The following TMEM253 variants were observed in gnomAD, a reference collection of about 807,000 sequenced individuals.
TMEM253 encodes transmembrane protein 253.
Under a neutral mutation model 20.3 loss-of-function variants are expected in TMEM253, and 22 were observed. That is an observed-to-expected ratio of 1.08 (90% CI 0.78 to 1.55). The LOEUF is 1.55. Among genes scored for constraint, TMEM253 ranks in the 40% most tolerant of loss-of-function variants. The pLI, the probability that TMEM253 is intolerant of heterozygous loss-of-function variation, is 0.00. For missense variants in TMEM253, 251 were observed against 266.1 expected (o/e 0.94, Z 0.39); for synonymous variants, 92 against 102.6 (o/e 0.90, Z 0.62).
At chr14:21,098,847 A>T (rs563448693), upstream of TMEM253, 12 of 1,287,758 alleles carry the variant, frequency 9.3e-6, no homozygotes, top group South Asian at 1.2e-4. Flanking sequence ...TTTCTGCCCC[A>T]ACATGCACAG....
exon 7 of TMEM253, chr14:21,103,235 C>T (rs1000708801): frequency 1.2e-5 from 19 of 1,551,486 alleles, no homozygotes; most frequent in Admixed American, 5.9e-5. Flanking sequence ...GGAACAGACA[C>T]GTGCTGCTCT....
At chr14:21,099,159 T>C (rs1889490178), upstream of TMEM253, 1 of 202,024 alleles carries the variant, frequency 4.9e-6, no homozygotes, top group South Asian at 6.1e-5. Flanking sequence ...AAAGAAGTGG[T>C]ACCTTCCTTC....
At chr14:21,102,112 C>A in exon 4 of TMEM253, 1 of 1,551,260 alleles carries the variant, frequency 6.4e-7, no homozygotes, top group Non-Finnish European at 8.7e-7. Flanking sequence ...AGCACCCCGC[C>A]TTTGGAAGGT....
At chr14:21,101,951 G>A (rs370554010) in exon 3 of TMEM253, 23 of 1,551,514 alleles carry the variant, frequency 1.5e-5, no homozygotes, top group East Asian at 7.3e-5. Flanking sequence ...TGGCCACAGC[G>A]CTGCCTCTTG....
chr14:21,102,431 C>T, exon 5 of TMEM253: 1 of 1,551,650 alleles, frequency 6.4e-7, no homozygotes, highest in Non-Finnish European at 8.7e-7. Flanking sequence ...TATTCAACAC[C>T]TTCAACTTGA....
At chr14:21,099,348 T>G (rs1011390238), upstream of TMEM253, 2 of 152,342 alleles carry the variant, frequency 1.3e-5, no homozygotes, top group African/African-American at 4.8e-5. Context: ...GTTTCCCCAG[T>G]GGCCTGCAGG....
exon 2 of TMEM253, chr14:21,101,343 C>T (rs1566557161): frequency 1.3e-6 from 2 of 1,551,522 alleles, no homozygotes. Context: ...GCAAAGGAGC[C>T]ATGGAAGATA....
chr14:21,103,450 C>G, exon 7 of TMEM253: 2 of 914,842 alleles, frequency 2.2e-6, no homozygotes, highest in South Asian at 3.6e-5. Flanking sequence ...CCCTGAAAAG[C>G]TGCTTTCTCC....
rs145127867 is a variant in TMEM253 at position 21,101,658 on chromosome 14, A to G, written c.108+207A>G. ...AAGTAGCTTCCATCTTGTGGGGGAA[A>G]ACATACAGGTAAGTAACTAAACTAC... On this transcript the variant is annotated intron_variant, in intron 2 of 6. Coordinates refer to ENST00000556585, the Ensembl canonical transcript of TMEM253. 52 of 647,752 alleles carry G rather than the reference A, an allele frequency of 8.0e-5. No individual in the cohort carries two copies. The East Asian group carries it at 1.3e-3, about 16-fold the overall frequency. 40.1% of individuals were successfully genotyped at this position (647,752 alleles called of 1,614,324 possible).
At chr14:21,098,873 C>T, upstream of TMEM253, 1 of 1,284,040 alleles carries the variant, frequency 7.8e-7, no homozygotes, top group Non-Finnish European at 1.0e-6. Context: ...GGAAGTTCTT[C>T]CTGGGGTTTT....
At chr14:21,103,049 G>T (rs12880628) in intron 6 of TMEM253, 90 bp from the exon 7 acceptor site, 856,210 of 1,540,878 alleles carry the variant, frequency 0.56, 246,050 homozygotes, top group Middle Eastern at 0.59. Context: ...AAACAGGATA[G>T]AAAATTGGGC....
At chr14:21,102,942 C>G in intron 6 of TMEM253, 163 bp downstream of exon 6, 2 of 1,356,314 alleles carry the variant, frequency 1.5e-6, no homozygotes, top group East Asian at 2.5e-5. Context: ...CATTTCTCCC[C>G]TAATGGTGGG....
chr14:21,102,573 GA>G, intron 5 of TMEM253, 58 bp downstream of exon 5: 1 of 1,551,450 alleles, frequency 6.4e-7, no homozygotes, highest in South Asian at 1.2e-5. Flanking sequence ...GGTGGGAAGG[GA>G]AAAGGGCAGG....
exon 7 of TMEM253, chr14:21,103,224 G>A (rs773747539): frequency 5.8e-6 from 9 of 1,551,640 alleles, no homozygotes; most frequent in East Asian, 2.4e-5. Flanking sequence ...GTGGGACAGC[G>A]GGAACAGACA....
At chr14:21,102,497 C>A in exon 5 of TMEM253, 3 of 1,551,706 alleles carry the variant, frequency 1.9e-6, no homozygotes, top group Non-Finnish European at 2.6e-6. Flanking sequence ...TGGGGCCTGC[C>A]CCAACTGCCT....
intron 4 of TMEM253, 98 bp from the exon 5 acceptor site, chr14:21,102,307 A>T (rs1008072002): frequency 2.0e-6 from 3 of 1,467,464 alleles, no homozygotes; most frequent in Non-Finnish European, 2.8e-6. Context: ...GAGGCTGAGA[A>T]GCAGAAGCTG....
At chr14:21,102,846 T>C (rs1889734641) in intron 6 of TMEM253, 67 bp downstream of exon 6, 1 of 1,515,622 alleles carries the variant, frequency 6.6e-7, no homozygotes, top group East Asian at 2.5e-5. Context: ...CCTATCCTGG[T>C]CAGTGGCACT....
intron 6 of TMEM253, 128 bp from the exon 7 acceptor site, chr14:21,103,011 G>A: frequency 6.8e-7 from 1 of 1,469,256 alleles, no homozygotes; most frequent in Admixed American, 2.0e-5. Flanking sequence ...GCATTAGGAA[G>A]CTGCCTAAAT....
chr14:21,101,577 T>A, intron 2 of TMEM253, 126 bp downstream of exon 2: 1 of 889,706 alleles, frequency 1.1e-6, no homozygotes, highest in Non-Finnish European at 1.7e-6. Context: ...AGGTTCTGAA[T>A]GGGAGGAGGG....
Sources: allele counts gnomAD v4.1 joint callset, GRCh38; gene constraint gnomAD v4.1.1; transcripts MANE v1.5; gene names NCBI Gene and HGNC (gene_info 2026-07-23, HGNC 2026-07-21).